Variants in BMP5 observed in about 807,000 individuals in gnomAD.
The protein encoded by BMP5 is bone morphogenetic protein 5.
Under a neutral mutation model 46.6 loss-of-function variants are expected in BMP5, and 23 were observed. The observed-to-expected ratio is 0.49, with a 90% CI of 0.35 to 0.70. BMP5 has a LOEUF of 0.70. Ranked by LOEUF, BMP5 falls within the 30% of genes least tolerant of loss-of-function variation. The probability of loss-of-function intolerance (pLI) is 0.00; values close to 1 mark genes in which losing one functional copy is unlikely to be tolerated. For missense variants in BMP5, 545 were observed against 565.6 expected (o/e 0.96, Z 0.37); for synonymous variants, 204 against 191.9 (o/e 1.06, Z -0.52).
chr6:55,847,625 G>T (rs115842838), intron 1 of BMP5, among the ~76,000 whole-genome samples: 11,524 of 151,796 alleles, frequency 0.076, 553 homozygotes, highest in African/African-American at 0.13. Context: ...AAAAATCAAT[G>T]TATATAAAAA....
intron 1 of BMP5, among the ~76,000 whole-genome samples, chr6:55,841,345 C>CT (rs1776947974): frequency 6.6e-6 from 1 of 152,118 alleles, no homozygotes; most frequent in African/African-American, 2.4e-5. Flanking sequence ...TTTTAAAACA[C>CT]TGAACAGAAT....
intron 1 of BMP5, among the ~76,000 whole-genome samples, chr6:55,861,325 C>T (rs1018464002): frequency 6.6e-6 from 1 of 152,202 alleles, no homozygotes; most frequent in African/African-American, 2.4e-5. Flanking sequence ...CTAGACCGGC[C>T]AGCAGGTTGG....
chr6:55,872,557 A>G (rs936030189), intron 1 of BMP5, among the ~76,000 whole-genome samples: 1 of 151,758 alleles, frequency 6.6e-6, no homozygotes, highest in African/African-American at 2.4e-5. Context: ...AATGAATAAA[A>G]CTATTATTGG....
chr6:55,822,967 G>C (rs1248821593), intron 1 of BMP5, among the ~76,000 whole-genome samples: 1 of 152,002 alleles, frequency 6.6e-6, no homozygotes, highest in Non-Finnish European at 1.5e-5. Context: ...AATTCCATGG[G>C]ACATATTGGA....
intron 4 of BMP5, among the ~76,000 whole-genome samples, chr6:55,769,194 C>A (rs891503531): frequency 2.6e-5 from 4 of 151,826 alleles, no homozygotes; most frequent in Non-Finnish European, 4.4e-5. Context: ...ACAAAAGATT[C>A]TTTGTGTAGT....
intron 3 of BMP5, among the ~76,000 whole-genome samples, chr6:55,775,747 G>C (rs1318190691): frequency 1.3e-5 from 2 of 151,864 alleles, no homozygotes; most frequent in Non-Finnish European, 2.9e-5. Context: ...TGGCATTTTA[G>C]CAAATAAACC....
intron 1 of BMP5, among the ~76,000 whole-genome samples, chr6:55,859,760 C>T (rs1777486252): frequency 6.6e-6 from 1 of 152,154 alleles, no homozygotes; most frequent in Admixed American, 6.5e-5. Flanking sequence ...TCCAGAATGG[C>T]TTTTATAAAC....
chr6:55,782,885 A>T (rs1209749028), intron 3 of BMP5, among the ~76,000 whole-genome samples: 4 of 152,144 alleles, frequency 2.6e-5, no homozygotes, highest in Non-Finnish European at 4.4e-5. Flanking sequence ...GGCTCAAAAA[A>T]GAGTCAGATT....
intron 1 of BMP5, among the ~76,000 whole-genome samples, chr6:55,840,686 T>C (rs1483851009): frequency 6.6e-6 from 1 of 152,244 alleles, no homozygotes; most frequent in Non-Finnish European, 1.5e-5. Context: ...AAAGTATTAT[T>C]GCTTTGTCAT....
At chr6:55,780,269 G>T (rs1442360398) in intron 3 of BMP5, among the ~76,000 whole-genome samples, 1 of 151,638 alleles carries the variant, frequency 6.6e-6, no homozygotes, top group Non-Finnish European at 1.5e-5. Context: ...GCTATTATTA[G>T]TAGCAGTACC....
chr6:55,846,017 C>G (rs1474579576), intron 1 of BMP5, among the ~76,000 whole-genome samples: 1 of 151,910 alleles, frequency 6.6e-6, no homozygotes, highest in Non-Finnish European at 1.5e-5. Context: ...TGGAATTTAG[C>G]TGGAAGAGCA....
At chr6:55,782,447 G>A (rs1775344967) in intron 3 of BMP5, among the ~76,000 whole-genome samples, 2 of 152,116 alleles carry the variant, frequency 1.3e-5, no homozygotes, top group Non-Finnish European at 2.9e-5. Context: ...CATAAGGGAC[G>A]AGTTACAAGG....
At chr6:55,756,558 C>G (rs975233083) in intron 6 of BMP5, among the ~76,000 whole-genome samples, 1 of 151,910 alleles carries the variant, frequency 6.6e-6, no homozygotes, top group Non-Finnish European at 1.5e-5. Context: ...GGCCCTTCCC[C>G]CAGAGGAGTT....
chr6:55,863,840 G>A (rs1777577341), intron 1 of BMP5, among the ~76,000 whole-genome samples: 1 of 152,154 alleles, frequency 6.6e-6, no homozygotes. Flanking sequence ...TTTCAGTGCA[G>A]TAACATGCTA....
At chr6:55,862,615 G>A (rs2127554012) in intron 1 of BMP5, among the ~76,000 whole-genome samples, 2 of 152,234 alleles carry the variant, frequency 1.3e-5, no homozygotes, top group Middle Eastern at 6.8e-3. Flanking sequence ...GAATGCTCTT[G>A]TATCCTTATT....
At chr6:55,781,439 A>G (rs182657668) in intron 3 of BMP5, among the ~76,000 whole-genome samples, 1 of 152,224 alleles carries the variant, frequency 6.6e-6, no homozygotes, top group African/African-American at 2.4e-5. Context: ...ATCAATGACA[A>G]AAAGCTTTTA....
intron 1 of BMP5, among the ~76,000 whole-genome samples, chr6:55,868,192 A>G (rs190121465): frequency 5.6e-4 from 85 of 152,324 alleles, no homozygotes; most frequent in African/African-American, 1.9e-3. Flanking sequence ...TAAAATCTAA[A>G]TAGGATTTAC....
At chr6:55,796,898 C>A (rs1300062438) in intron 2 of BMP5, among the ~76,000 whole-genome samples, 1 of 152,052 alleles carries the variant, frequency 6.6e-6, no homozygotes, top group African/African-American at 2.4e-5. Flanking sequence ...GTGGTATGGT[C>A]TAAAAAGAGC....
chr6:55,820,717 G>GTTGTTTGTTTGT (rs3065793), intron 1 of BMP5, among the ~76,000 whole-genome samples: 18 of 151,236 alleles, frequency 1.2e-4, no homozygotes, highest in African/African-American at 2.9e-4. Context: ...TCTGCCCCGT[G>GTTGTTTGTTTGT]TTGTTTGTTT....
Sources: allele counts gnomAD v4.1 joint callset (sites outside exome capture counted in the v4.1 genomes callset), GRCh38; gene constraint gnomAD v4.1.1; transcripts MANE v1.5; gene names NCBI Gene and HGNC (gene_info 2026-07-23, HGNC 2026-07-21).